The following LRRIQ1 variants were observed in gnomAD, a reference collection of about 807,000 sequenced individuals.
The protein encoded by LRRIQ1 is leucine-rich repeat- and IQ domain-containing protein 1.
A neutral mutation model predicts 211.9 loss-of-function variants in LRRIQ1; 210 were observed. That is an observed-to-expected ratio of 0.99 (90% CI 0.89 to 1.11). The LOEUF is 1.11. Ranked by LOEUF, LRRIQ1 falls within the 50% of genes most tolerant of loss-of-function variation. LRRIQ1 has a pLI of 0.00. For missense variants in LRRIQ1, 2,136 were observed against 1,939.5 expected (o/e 1.10, Z -1.90); for synonymous variants, 699 against 650.1 (o/e 1.08, Z -1.14).
chr12:85,200,803 T>G (rs1893250018), intron 24 of LRRIQ1, among the ~76,000 whole-genome samples: 1 of 152,062 alleles, frequency 6.6e-6, no homozygotes, highest in South Asian at 2.1e-4. Context: ...TACTTGTTGA[T>G]CATGATGGCT....
intron 25 of LRRIQ1, 81 bp downstream of exon 25, chr12:85,229,730 C>G: frequency 7.0e-7 from 1 of 1,423,136 alleles, no homozygotes; most frequent in Non-Finnish European, 9.7e-7. Flanking sequence ...TGTGCTAAAA[C>G]AAACATGACT....
Position 85,121,734 on chromosome 12 carries a change from C to G in LRRIQ1, c.3415C>G (p.Leu1139Val). 6.3e-7 allele frequency: 1 copy of G among 1,597,462 alleles called. No individual in the cohort carries two copies. Among genetic ancestry groups the G allele is most frequent in the South Asian group, 1.1e-5 (1 of 87,718 alleles). The change falls in exon 16 of 27, where the codon CTC (leucine) becomes GTC (valine). Residue 1139 changes from leucine to valine, a missense_variant. By Grantham distance (32) the Leu-to-Val change is conservative. Transcript: ENST00000393217. Reference protein sequence around the residue: ...LLKVLPALRILNGNILNSNSE... With the variant: ...LLKVLPALRIVNGNILNSNSE... ...TAAAGTGTTGCCTGCTCTGAGAATC[C>G]TCAATGGCAATATACTAAACTCTAA...
chr12:85,048,759 G>C (rs1879952516), intron 6 of LRRIQ1, among the ~76,000 whole-genome samples: 1 of 151,984 alleles, frequency 6.6e-6, no homozygotes, highest in Non-Finnish European at 1.5e-5. Flanking sequence ...TCCAAAATAG[G>C]ATTGAGTATA....
chr12:85,217,913 G>A (rs910649408), intron 24 of LRRIQ1, among the ~76,000 whole-genome samples: 2 of 151,174 alleles, frequency 1.3e-5, no homozygotes, highest in Non-Finnish European at 3.0e-5. Context: ...GCTATTGAGC[G>A]GGCCCTAGTT....
chr12:85,094,832 T>C (rs1404084525), intron 11 of LRRIQ1, among the ~76,000 whole-genome samples: 1 of 151,978 alleles, frequency 6.6e-6, no homozygotes, highest in Middle Eastern at 3.2e-3. Context: ...CACATTCTGG[T>C]TAGATATATT....
At chr12:85,147,031 A>G (rs1889938614) in intron 19 of LRRIQ1, among the ~76,000 whole-genome samples, 1 of 151,808 alleles carries the variant, frequency 6.6e-6, no homozygotes, top group African/African-American at 2.4e-5. Context: ...TGCTTTATAT[A>G]GATGTGTCGA....
At chr12:85,197,841 T>C (rs1390808442) in intron 24 of LRRIQ1, among the ~76,000 whole-genome samples, 4 of 135,796 alleles carry the variant, frequency 2.9e-5, no homozygotes, top group Admixed American at 8.2e-5. Context: ...ATAAAAAATA[T>C]TATATTTATT....
intron 1 of LRRIQ1, among the ~76,000 whole-genome samples, chr12:85,257,782 C>A (rs1463712595): frequency 1.3e-5 from 2 of 151,722 alleles, no homozygotes; most frequent in African/African-American, 4.8e-5. Context: ...ATTTGAAAAA[C>A]CCTCCAAGAA....
chr12:85,120,453 T>C (rs1565847138), intron 15 of LRRIQ1, among the ~76,000 whole-genome samples: 1 of 152,244 alleles, frequency 6.6e-6, no homozygotes, highest in Non-Finnish European at 1.5e-5. Context: ...AGTCTTGAAA[T>C]CAGTTAGTGT....
intron 24 of LRRIQ1, among the ~76,000 whole-genome samples, chr12:85,200,512 A>G (rs1181361456): frequency 3.3e-5 from 5 of 152,148 alleles, no homozygotes; most frequent in Non-Finnish European, 7.3e-5. Flanking sequence ...AGGAGTGGTG[A>G]GAGAGGACAT....
chr12:85,232,520 A>T (rs544859343), intron 25 of LRRIQ1, among the ~76,000 whole-genome samples, 176 bp from the exon 26 acceptor site: 44 of 152,270 alleles, frequency 2.9e-4, no homozygotes, highest in Non-Finnish European at 5.0e-4. Context: ...TGATTTTTTT[A>T]AATTAGAGAA....
At chr12:85,145,052 T>C (rs1315184171) in intron 19 of LRRIQ1, among the ~76,000 whole-genome samples, 1 of 151,556 alleles carries the variant, frequency 6.6e-6, no homozygotes, top group Non-Finnish European at 1.5e-5. Flanking sequence ...ATAGTTGCCT[T>C]TAGGATTAAA....
At chr12:85,202,175 G>T (rs1465541680) in intron 24 of LRRIQ1, among the ~76,000 whole-genome samples, 1 of 151,820 alleles carries the variant, frequency 6.6e-6, no homozygotes, top group African/African-American at 2.4e-5. Flanking sequence ...TGTTGTTGTT[G>T]TTTCAATTTG....
chr12:85,098,051 T>G (rs954443126), intron 11 of LRRIQ1, among the ~76,000 whole-genome samples: 2 of 152,156 alleles, frequency 1.3e-5, no homozygotes, highest in Non-Finnish European at 2.9e-5. Flanking sequence ...TCGTTATATC[T>G]CTCCCTTGTT....
At chr12:85,097,374 A>G (rs980457930) in intron 11 of LRRIQ1, among the ~76,000 whole-genome samples, 1 of 151,932 alleles carries the variant, frequency 6.6e-6, no homozygotes, top group Admixed American at 6.6e-5. Flanking sequence ...TAAACTCATC[A>G]TTTACATTAG....
chr12:85,203,079 G>A (rs956758645), intron 24 of LRRIQ1, among the ~76,000 whole-genome samples: 1 of 152,170 alleles, frequency 6.6e-6, no homozygotes, highest in Admixed American at 6.5e-5. Flanking sequence ...CCAGGTGGGA[G>A]ATAATTGTAT....
intron 2 of LRRIQ1, 85 bp downstream of exon 2, chr12:85,038,393 C>T: frequency 9.7e-7 from 1 of 1,031,600 alleles, no homozygotes; most frequent in Non-Finnish European, 1.3e-6. Flanking sequence ...TTATGTACTT[C>T]TCATTTTTAG....
chr12:85,267,689 T>C (rs1896452465), downstream of LRRIQ1, among the ~76,000 whole-genome samples: 1 of 151,998 alleles, frequency 6.6e-6, no homozygotes, highest in South Asian at 2.1e-4. Context: ...TCTGTTAACT[T>C]CAAAATAAAA....
At chr12:85,254,593 T>A (rs1421823236) in intron 1 of LRRIQ1, among the ~76,000 whole-genome samples, 1 of 152,118 alleles carries the variant, frequency 6.6e-6, no homozygotes, top group Non-Finnish European at 1.5e-5. Flanking sequence ...AGAAATTTAG[T>A]TTTGTTTCAT....
Sources: gnomAD v4.1 joint callset for allele counts (sites outside exome capture counted in the v4.1 genomes callset) on GRCh38, gnomAD v4.1.1 for gene constraint, MANE v1.5 for transcripts, NCBI Gene and HGNC (gene_info 2026-07-23, HGNC 2026-07-21) for gene names.